The following ARHGEF19 variants were observed in gnomAD, a reference collection of about 807,000 sequenced individuals.
ARHGEF19 encodes the protein Rho guanine nucleotide exchange factor 19.
In ARHGEF19, 92 loss-of-function variants were observed where a neutral mutation model predicts 87.6. The ratio of observed to expected loss-of-function variants is 1.05; its 90% confidence interval spans 0.89 to 1.25. The LOEUF (loss-of-function observed/expected upper bound fraction) is 1.25, where lower values mean the gene tolerates loss of function less well. ARHGEF19 is among the 50% of genes most tolerant of loss of function. ARHGEF19 has a pLI of 0.00. For missense variants in ARHGEF19, 1,054 were observed against 1,051.8 expected (o/e 1.00, Z -0.03); for synonymous variants, 438 against 446.2 (o/e 0.98, Z 0.23).
chr1:16,208,242 G>T lies in ARHGEF19; in HGVS notation c.413-17C>A. The T allele has an allele frequency of 6.2e-7, 1 of 1,607,248 alleles. No individual in the cohort carries two copies. On this transcript the variant is annotated splice_polypyrimidine_tract_variant and intron_variant, in intron 2 of 15. Coordinates refer to ENST00000270747, the MANE Select transcript of ARHGEF19 (RefSeq NM_153213.5). ...TCTTGCGCCCTAGGGTTGGGGGCAAGGAGTGAGAGCACGGGCTGGGGTCTC... is the reference window on the plus strand; with the variant it reads ...TCTTGCGCCCTAGGGTTGGGGGCAATGAGTGAGAGCACGGGCTGGGGTCTC...
chr1:16,206,393 G>A lies in ARHGEF19; in HGVS notation c.1138-53C>T. The A allele has an allele frequency of 1.3e-6, 2 of 1,549,774 alleles. No homozygotes were observed. The highest frequency in any genetic ancestry group is 1.7e-6 in the Non-Finnish European group (2 of 1,144,362). On this transcript the variant is annotated intron_variant, in intron 6 of 15. Coordinates refer to ENST00000270747, the MANE Select transcript of ARHGEF19 (RefSeq NM_153213.5). The surrounding 1 kb of genome is among the most constrained non-coding windows in gnomAD (Gnocchi z 4.6). Reference sequence around the variant, plus strand: ...AGGGCAGGACCAGTTCACCTCGGAGGCCCTGGCCTCACATCCCCAGACCCC... The same window carrying A: ...AGGGCAGGACCAGTTCACCTCGGAGACCCTGGCCTCACATCCCCAGACCCC...
rs451260 is a variant in ARHGEF19 at position 16,198,561 on chromosome 1, G to T, written c.*26C>A. 407,782 of 1,575,992 alleles carry T rather than the reference G, an allele frequency of 0.26. 56,072 individuals are homozygous for T. The highest frequency in any genetic ancestry group is 0.42 in the Admixed American group (24,065 of 56,718). On this transcript the variant is annotated 3_prime_UTR_variant, in exon 16 of 16. Coordinates refer to ENST00000270747, the MANE Select transcript of ARHGEF19 (RefSeq NM_153213.5). The surrounding 1 kb of genome is among the most constrained non-coding windows in gnomAD (Gnocchi z 4.1). ...GACCATCCAGGAGCCAGGCATGGAG[G>T]TGGGGTCCTAGGCCATGGCTGCCCA...
intron 15 of ARHGEF19, 140 bp downstream of exon 15, chr1:16,199,010 C>A: frequency 1.2e-6 from 1 of 864,698 alleles, no homozygotes; most frequent in Non-Finnish European, 1.8e-6. Context: ...GCAGGAAGTT[C>A]CTCCTCTCAT....
At chr1:16,199,924 C>T (rs185041944) in intron 14 of ARHGEF19, among the ~76,000 whole-genome samples, 80 of 152,308 alleles carry the variant, frequency 5.3e-4, no homozygotes, top group African/African-American at 1.8e-3. Context: ...CCTGCTGTTC[C>T]TCACTCTAAG....
At position 16,204,827 on chromosome 1, in the gene ARHGEF19, C is replaced by T. The variant is rs1569705449; in HGVS notation, c.1839G>A (p.Leu613=). The part of the protein sequence containing the change: ...APLPAAPPAK[L]KLSSKAVYLH... ...GGTAGACTGCCTTGCTGGACAGCTT[C>T]AGCTTGGCAGGGGGTGCTGCAGGCA... is the stretch of plus-strand genomic sequence containing the variant. The change falls in exon 12 of 16, where the codon CTG becomes CTA. Residue 613 remains leucine (L), a synonymous_variant. Transcript: ENST00000270747. 1 of 1,610,886 alleles carries T rather than the reference C, an allele frequency of 6.2e-7. No individual in the cohort carries two copies. Among genetic ancestry groups the T allele is most frequent in the Non-Finnish European group, 8.5e-7 (1 of 1,178,494 alleles).
rs2081159997 is a variant in ARHGEF19, at chr1:16,207,865, G to C, written c.694+79C>G. The C allele has an allele frequency of 3.8e-6, 6 of 1,584,554 alleles. No homozygotes were observed. The highest frequency in any genetic ancestry group is 5.1e-6 in the Non-Finnish European group (6 of 1,166,350). ...CCCAGGCACCCTGACGGCCTCAGGCGGCCGGTGAGTGGGCATCGCCCACCC... is the reference window on the plus strand; with the variant it reads ...CCCAGGCACCCTGACGGCCTCAGGCCGCCGGTGAGTGGGCATCGCCCACCC... On this transcript the variant is annotated intron_variant, in intron 3 of 15. Transcript: ENST00000270747. The surrounding 1 kb of genome is among the most constrained non-coding windows in gnomAD (Gnocchi z 4.0).
In ARHGEF19 at chr1:16,207,154, G is replaced by T; in HGVS notation, c.931C>A (p.Gln311Lys). The change falls in exon 6 of 16, where the codon CAG becomes AAG. Residue 311 changes from glutamine (Q) to lysine (K), a missense_variant. Transcript: ENST00000270747. The surrounding 1 kb of genome is among the most constrained non-coding windows in gnomAD (Gnocchi z 4.0). The stretch of plus-strand genomic sequence containing the variant: ...TCCCCCGGGCCCTCCTCCTCGCGCT[G>T]CTGCCGCCGCAGTTCGCGGGCGCTG... ...VASARELRRQ[Q>K]REEEGPGDEA... 1 of 1,529,668 alleles carries T rather than the reference G, an allele frequency of 6.5e-7. No homozygotes were observed. 94.8% of individuals were successfully genotyped at this position (1,529,668 alleles called of 1,614,324 possible). A position where few individuals can be genotyped will look rare whatever the true frequency, so the allele number is the denominator to read the frequency against.
At chr1:16,210,749 A>C (rs1008945795) in intron 1 of ARHGEF19, among the ~76,000 whole-genome samples, 4 of 152,242 alleles carry the variant, frequency 2.6e-5, no homozygotes, top group Non-Finnish European at 5.9e-5. Flanking sequence ...GCTCGGCTCA[A>C]CTCAACCTGG....
At chr1:16,199,945 C>T (rs1475201709) in intron 14 of ARHGEF19, among the ~76,000 whole-genome samples, 3 of 152,232 alleles carry the variant, frequency 2.0e-5, no homozygotes, top group African/African-American at 7.2e-5. Flanking sequence ...CTCCCTCCTG[C>T]CCCAGGGCCT....
Position 16,206,025 on chromosome 1 carries a change from C to T in ARHGEF19, c.1357G>A (p.Asp453Asn). The part of the protein sequence containing the change: ...EADVLRFSVC[D>N]VVLDHCPAFR... Reference sequence around the variant, plus strand: ...GCCGGGCAGTGGTCCAGCACCACGTCGCACACGCTGAAGCGCAGCACATCT... The same window carrying T: ...GCCGGGCAGTGGTCCAGCACCACGTTGCACACGCTGAAGCGCAGCACATCT... Residue 453 changes from aspartate to asparagine, a missense_variant, in exon 8 of 16, where the codon GAC becomes AAC. Asp to Asn is a conservative substitution (Grantham distance 23, BLOSUM62 1). Transcript: ENST00000270747. This position sits in a 1 kb window ranked among gnomAD's most constrained non-coding sequence, Gnocchi z 4.6. 1 of 1,599,334 alleles carries T rather than the reference C, an allele frequency of 6.3e-7. No individual in the cohort carries two copies. Among genetic ancestry groups the T allele is most frequent in the Non-Finnish European group, 8.5e-7 (1 of 1,172,918 alleles).
chr1:16,210,539 C>T (rs900074483), intron 1 of ARHGEF19, among the ~76,000 whole-genome samples: 1 of 152,180 alleles, frequency 6.6e-6, no homozygotes, highest in Non-Finnish European at 1.5e-5. Flanking sequence ...ATTCAGGGAC[C>T]CAGAGATGGA....
chr1:16,206,315 T>G lies in ARHGEF19; in HGVS notation c.1163A>C (p.Glu388Ala), dbSNP rs1288480401. 2 of 1,579,880 alleles carry G rather than the reference T, an allele frequency of 1.3e-6. No individual in the cohort carries two copies. The highest frequency in any genetic ancestry group is 3.8e-5 in the Admixed American group (2 of 53,068). The change falls in exon 7 of 16, where the codon GAG becomes GCG. Residue 388 changes from glutamate to alanine, a missense_variant. Coordinates refer to ENST00000270747, the MANE Select transcript of ARHGEF19 (RefSeq NM_153213.5). The surrounding 1 kb of genome is among the most constrained non-coding windows in gnomAD (Gnocchi z 4.6). ...QEAKFELITS[E>A]ASYIHSLSVA... Reference sequence around the variant, plus strand: ...CGACAGGCTGTGGATGTAGGAGGCCTCGGAGGTGATCAGCTCAAACTTGGC... The same window carrying G: ...CGACAGGCTGTGGATGTAGGAGGCCGCGGAGGTGATCAGCTCAAACTTGGC...
At chr1:16,209,198 A>T in intron 1 of ARHGEF19, 115 bp from the exon 2 acceptor site, 2 of 635,946 alleles carry the variant, frequency 3.1e-6, no homozygotes, top group South Asian at 4.9e-5. Flanking sequence ...ACATCTCCAC[A>T]AACACACTCA....
Position 16,205,468 on chromosome 1 carries a change from C to T in ARHGEF19, c.1582-43G>A, listed in dbSNP as rs779342160. The T allele has an allele frequency of 5.0e-6, 8 of 1,612,358 alleles. No homozygotes were observed. In the Admixed American group the frequency reaches 5.1e-5, roughly 10 times the overall value. The stretch of plus-strand genomic sequence containing the variant: ...CACAATGAGGCAGTCCTCATACTCC[C>T]GAGACCCGGCCCGCCCACAGGTGTA... On this transcript the variant is annotated intron_variant, in intron 9 of 15. Transcript: ENST00000270747. This position sits in a 1 kb window ranked among gnomAD's most constrained non-coding sequence, Gnocchi z 5.8.
Position 16,205,011 on chromosome 1 carries a change from GC to G in ARHGEF19, c.1746+75del, listed in dbSNP as rs1009583773. 156 of 1,561,478 alleles carry G rather than the reference GC, an allele frequency of 1.0e-4. 2 individuals carry two copies. Among genetic ancestry groups the G allele is most frequent in the Non-Finnish European group, 1.4e-5 (16 of 1,151,968 alleles). On this transcript the variant is annotated intron_variant, in intron 11 of 15. Transcript: ENST00000270747. The surrounding 1 kb of genome is among the most constrained non-coding windows in gnomAD (Gnocchi z 5.8). ...GGAGGGTGTGGGCAGCGATTAACTG[GC>G]CTGAAGCCCCCAGGGCAAGGAAGAA...
rs994680873 is a variant in ARHGEF19 at position 16,198,401 on chromosome 1, G to A, written c.*186C>T. ...CTTGGCCTTGAAGTGTGGACACTGA[G>A]GAGCATGAGGACGGAGAGACCCTCT... On this transcript the variant is annotated 3_prime_UTR_variant, in exon 16 of 16. Transcript: ENST00000270747. The surrounding 1 kb of genome is among the most constrained non-coding windows in gnomAD (Gnocchi z 4.1). The A allele has an allele frequency of 8.9e-6, 5 of 564,270 alleles. No homozygotes were observed. Among genetic ancestry groups the A allele is most frequent in the African/African-American group, 1.9e-5 (1 of 53,108 alleles). 35.0% of individuals were successfully genotyped at this position (564,270 alleles called of 1,614,324 possible).
Position 16,204,922 on chromosome 1 carries a change from A to C in ARHGEF19, c.1747-3T>G. 1 of 1,596,420 alleles carries C rather than the reference A, an allele frequency of 6.3e-7. No individual in the cohort carries two copies. Among genetic ancestry groups the C allele is most frequent in the Non-Finnish European group, 8.5e-7 (1 of 1,170,624 alleles). On this transcript the variant is annotated splice_region_variant and splice_polypyrimidine_tract_variant and intron_variant, in intron 11 of 15. Coordinates refer to ENST00000270747, the MANE Select transcript of ARHGEF19 (RefSeq NM_153213.5). ...GCCTGAGAGATCAGCGGGAAAATCT[A>C]GAGGGATGGAGAAGGATGGGTCAGG... is the stretch of plus-strand genomic sequence containing the variant.
At chr1:16,201,727 G>A in intron 14 of ARHGEF19, 55 bp downstream of exon 14, 1 of 1,572,670 alleles carries the variant, frequency 6.4e-7, no homozygotes, top group Non-Finnish European at 8.7e-7. Flanking sequence ...TGGGAGGGGA[G>A]GAGAGCGGGC....
rs139312017 is a variant in ARHGEF19 at position 16,207,559 on chromosome 1, G to A, written c.837C>T (p.Ser279=). 56 of 1,613,998 alleles carry A rather than the reference G, an allele frequency of 3.5e-5. No homozygotes were observed. Among genetic ancestry groups the A allele is most frequent in the Non-Finnish European group, 4.7e-5 (55 of 1,179,994 alleles). ...TQEEPPLGSR[S]TNERRQSRFL... is the part of the protein sequence containing the mutation. ...ATCGAGACTGGCGCCGCTCGTTGGT[G>A]CTCCTGGACCCCAAAGGCGGCTCTT... The change falls in exon 5 of 16, where the codon AGC becomes AGT. Residue 279 remains serine (S), a synonymous_variant. Transcript: ENST00000270747. This position sits in a 1 kb window ranked among gnomAD's most constrained non-coding sequence, Gnocchi z 4.0.
Sources: gnomAD v4.1 joint callset for allele counts (sites outside exome capture counted in the v4.1 genomes callset) on GRCh38, gnomAD v4.1.1 for gene constraint, Gnocchi (gnomAD v3.1) non-coding constraint, MANE v1.5 for transcripts, NCBI Gene and HGNC (gene_info 2026-07-23, HGNC 2026-07-21) for gene names.